The following ANGPTL1 variants were observed in gnomAD, a reference collection of about 807,000 sequenced individuals.
The protein encoded by ANGPTL1 is angiopoietin like 1.
In ANGPTL1, 36 loss-of-function variants were observed where a neutral mutation model predicts 46.7. The ratio of observed to expected loss-of-function variants is 0.77; its 90% CI spans 0.59 to 1.02. The LOEUF (loss-of-function observed/expected upper bound fraction) is 1.02, where lower values mean the gene tolerates loss of function less well. Ranked by LOEUF, ANGPTL1 falls within the 50% of genes least tolerant of loss-of-function variation. ANGPTL1 has a pLI of 0.00. For missense variants in ANGPTL1, 571 were observed against 594.7 expected (o/e 0.96, Z 0.41); for synonymous variants, 221 against 204.3 (o/e 1.08, Z -0.69).
At chr1:178,861,379 C>T (rs187921640) in intron 3 of ANGPTL1, among the ~76,000 whole-genome samples, 1 of 151,348 alleles carries the variant, frequency 6.6e-6, no homozygotes, top group Admixed American at 6.6e-5. Context: ...TTCATTAAAA[C>T]AAAATGTGTT....
chr1:178,870,154 G>A (rs1658660978), intron 1 of ANGPTL1, among the ~76,000 whole-genome samples: 1 of 152,006 alleles, frequency 6.6e-6, no homozygotes. Context: ...ATTTTGAGTT[G>A]GAACAAGAAA....
chr1:178,850,331 A>G lies in ANGPTL1; in HGVS notation c.*798T>C, dbSNP rs1203787485. ...GAACTATAATTCAGATCTGTAGCAC[A>G]CTAAATATTCTGCATTTTTGTAATA... On this transcript the variant is annotated 3_prime_UTR_variant, in exon 6 of 6. Transcript: ENST00000234816. The G allele has an allele frequency of 3.3e-5, 5 of 152,638 alleles. No individual in the cohort carries two copies. Among genetic ancestry groups the G allele is most frequent in the Non-Finnish European group, 7.3e-5 (5 of 68,042 alleles). The allele number at this position is 152,638 out of a possible 1,614,324, so 9.5% of individuals were successfully genotyped here. A position where few individuals can be genotyped will look rare whatever the true frequency, so the allele number is the denominator to read the frequency against.
chr1:178,852,989 A>G (rs201219967), intron 4 of ANGPTL1, 36 bp from the exon 5 acceptor site: 1 of 1,569,816 alleles, frequency 6.4e-7, no homozygotes, highest in African/African-American at 1.4e-5. Flanking sequence ...TGCATAAATA[A>G]GTATAGAGAT....
chr1:178,849,626 T>C lies in ANGPTL1; in HGVS notation c.*1503A>G, dbSNP rs1164729305. 1.3e-5 allele frequency: 2 copies of C among 152,208 alleles called. No individual in the cohort carries two copies. The highest frequency in any genetic ancestry group is 2.9e-5 in the Non-Finnish European group (2 of 68,042). The allele number at this position is 152,208 out of a possible 1,614,324, so 9.4% of individuals were successfully genotyped here. A position where few individuals can be genotyped will look rare whatever the true frequency, so the allele number is the denominator to read the frequency against. ...CTTCCAGGAATCTTATAACAGATTC[T>C]TTGGTTCTGAAGGAAGTGGAGAGGG... On this transcript the variant is annotated 3_prime_UTR_variant, in exon 6 of 6. Coordinates refer to ENST00000234816, the MANE Select transcript of ANGPTL1 (RefSeq NM_004673.4).
intron 3 of ANGPTL1, among the ~76,000 whole-genome samples, chr1:178,854,423 A>G (rs754348868): frequency 1.2e-4 from 19 of 152,182 alleles, no homozygotes; most frequent in Non-Finnish European, 2.6e-4. Context: ...GAAATTCTCA[A>G]TGTACATTCA....
chr1:178,855,979 AAT>A (rs987034636), intron 3 of ANGPTL1, among the ~76,000 whole-genome samples: 3 of 148,424 alleles, frequency 2.0e-5, no homozygotes, highest in South Asian at 2.1e-4. Flanking sequence ...ACAAAAAAGT[AAT>A]ATATATAAGA....
chr1:178,862,593 TTTTATTTA>T lies in ANGPTL1; in HGVS notation c.823+2353_823+2360del, dbSNP rs57690079. Among the ~76,000 whole-genome samples the T allele has an allele frequency of 6.9e-3, 976 of 140,742 alleles. 30 individuals are homozygous for T. The highest frequency in any genetic ancestry group is 0.048 in the Admixed American group (681 of 14,132). The allele number at this position is 140,742 out of a possible 152,430, so 92.3% of individuals were successfully genotyped here. A position where few individuals can be genotyped will look rare whatever the true frequency, so the allele number is the denominator to read the frequency against. On this transcript the variant is annotated intron_variant, in intron 3 of 5. Coordinates refer to ENST00000234816, the MANE Select transcript of ANGPTL1 (RefSeq NM_004673.4). ...GGGCCTCAAGGAGGAGTTGCATTTT[TTTTATTTA>T]TTTATTTATTTATTTATTTATTTAT...
At position 178,851,115 on chromosome 1, in the gene ANGPTL1, G is replaced by C. The variant is rs771436728; in HGVS notation, c.*14C>G. 1.9e-6 allele frequency: 3 copies of C among 1,606,088 alleles called. No individual in the cohort carries two copies. Among genetic ancestry groups the C allele is most frequent in the African/African-American group, 1.3e-5 (1 of 74,644 alleles). The stretch of plus-strand genomic sequence containing the variant: ...ACAAAGTTCTGTGTCATTTAAATTG[G>C]CGAGTGTCTCTCTTCAGTCAATAGG... On this transcript the variant is annotated 3_prime_UTR_variant, in exon 6 of 6. Coordinates refer to ENST00000234816, the MANE Select transcript of ANGPTL1 (RefSeq NM_004673.4).
Position 178,852,936 on chromosome 1 carries a change from A to G in ANGPTL1, c.1035T>C (p.Ile345=). 2 of 1,611,564 alleles carry G rather than the reference A, an allele frequency of 1.2e-6. No homozygotes were observed. Among genetic ancestry groups the G allele is most frequent in the Non-Finnish European group, 1.7e-6 (2 of 1,178,844 alleles). The change falls in exon 5 of 6, where the codon ATT becomes ATC. Residue 345 remains isoleucine (I), a synonymous_variant. Coordinates refer to ENST00000234816, the MANE Select transcript of ANGPTL1 (RefSeq NM_004673.4). ...WENYKKGFGN[I]DGEYWLGLEN... ...CCAGTCCAAGCCAGTATTCTCCGTC[A>G]ATGTTTCCAAACCCTTTCTGTTAAT...
chr1:178,858,264 T>C (rs1657728135), intron 3 of ANGPTL1, among the ~76,000 whole-genome samples: 1 of 152,186 alleles, frequency 6.6e-6, no homozygotes, highest in Non-Finnish European at 1.5e-5. Flanking sequence ...TCATTATTAC[T>C]TGAAAATCTT....
chr1:178,852,556 G>A, intron 5 of ANGPTL1, 127 bp downstream of exon 5: 1 of 923,562 alleles, frequency 1.1e-6, no homozygotes, highest in Non-Finnish European at 1.6e-6. Flanking sequence ...TAGGTTGGTT[G>A]TATTTCCTGC....
At position 178,851,292 on chromosome 1, in the gene ANGPTL1, C is replaced by T. The variant is rs1471396626; in HGVS notation, c.1313G>A (p.Gly438Glu). 1.9e-6 allele frequency: 3 copies of T among 1,609,948 alleles called. No individual in the cohort carries two copies. Among genetic ancestry groups the T allele is most frequent in the East Asian group, 2.2e-5 (1 of 44,836 alleles). ...TGCACAGGCATTGTACCACCAGCCTCCTTTATGAAAGTGGGCGCAGTTTCC... is the reference window on the plus strand; with the variant it reads ...TGCACAGGCATTGTACCACCAGCCTTCTTTATGAAAGTGGGCGCAGTTTCC... ...YAGNCAHFHK[G>E]GWWYNACAHS... Residue 438 changes from glycine to glutamate, a missense_variant, in exon 6 of 6, where the codon GGA (glycine) becomes GAA (glutamate). Transcript: ENST00000234816.
chr1:178,852,857 C>G lies in ANGPTL1; in HGVS notation c.1114G>C (p.Glu372Gln). Residue 372 changes from glutamate to glutamine, a missense_variant, in exon 5 of 6, where the codon GAA becomes CAA. Transcript: ENST00000234816. ...QDNYKLLIEL[E>Q]DWSDKKVYAE... ...TAGACTTTTTTATCACTCCAGTCTT[C>G]TAATTCAATCAATAACTTGTAATTA... The G allele has an allele frequency of 6.2e-7, 1 of 1,613,902 alleles. No homozygotes were observed. Among genetic ancestry groups the G allele is most frequent in the Non-Finnish European group, 8.5e-7 (1 of 1,179,858 alleles).
chr1:178,850,856 T>C lies in ANGPTL1; in HGVS notation c.*273A>G. Reference sequence around the variant, plus strand: ...AATATAGCTAAGATTTGCTTTACATTGTGGCAAATATTTACATTTTAGAAA... The same window carrying C: ...AATATAGCTAAGATTTGCTTTACATCGTGGCAAATATTTACATTTTAGAAA... On this transcript the variant is annotated 3_prime_UTR_variant, in exon 6 of 6. Coordinates refer to ENST00000234816, the MANE Select transcript of ANGPTL1 (RefSeq NM_004673.4). 3.6e-6 allele frequency: 1 copy of C among 277,798 alleles called. No individual in the cohort carries two copies. The highest frequency in any genetic ancestry group is 5.1e-5 in the Admixed American group (1 of 19,682). 17.2% of individuals were successfully genotyped at this position (277,798 alleles called of 1,614,324 possible).
In ANGPTL1 at chr1:178,869,113, C is replaced by G. The variant is rs990053149; in HGVS notation, c.-27+1G>C. 1 of 151,922 alleles carries G rather than the reference C, an allele frequency of 6.6e-6. No individual in the cohort carries two copies. The highest frequency in any genetic ancestry group is 1.5e-5 in the Non-Finnish European group (1 of 67,916). 9.4% of individuals were successfully genotyped at this position (151,922 alleles called of 1,614,324 possible). A position where few individuals can be genotyped will look rare whatever the true frequency, so the allele number is the denominator to read the frequency against. On this transcript the variant is annotated splice_donor_variant, in intron 2 of 5. Transcript: ENST00000234816. LOFTEE classifies it low-confidence loss of function (5UTR_SPLICE). The stretch of plus-strand genomic sequence containing the variant: ...TTATAAATTAGTTATAGAATACTTA[C>G]GTTTAAATTTAAGTCTTTACTTAGT...
intron 3 of ANGPTL1, among the ~76,000 whole-genome samples, chr1:178,858,604 A>G (rs1657747131): frequency 6.6e-6 from 1 of 152,164 alleles, no homozygotes; most frequent in Non-Finnish European, 1.5e-5. Context: ...AATTTGAAGA[A>G]CCAGTCTCTC....
chr1:178,864,946 T>TA lies in ANGPTL1; in HGVS notation c.823+7dup, dbSNP rs1371234649. Reference sequence around the variant, plus strand: ...TACTCCCACTTTTTACAGTAAGAGGTAACTCACCTTCATTGATGAAAGTTA... The same window carrying TA: ...TACTCCCACTTTTTACAGTAAGAGGTAAACTCACCTTCATTGATGAAAGTTA... On this transcript the variant is annotated splice_region_variant and intron_variant, in intron 3 of 5. Transcript: ENST00000234816. 2 of 1,438,798 alleles carry TA rather than the reference T, an allele frequency of 1.4e-6. No homozygotes were observed. The highest frequency in any genetic ancestry group is 9.1e-7 in the Non-Finnish European group (1 of 1,095,342). The allele number at this position is 1,438,798 out of a possible 1,614,324, so 89.1% of individuals were successfully genotyped here. A position where few individuals can be genotyped will look rare whatever the true frequency, so the allele number is the denominator to read the frequency against.
chr1:178,852,883 T>C lies in ANGPTL1; in HGVS notation c.1088A>G (p.Asp363Gly). Residue 363 changes from aspartate to glycine, a missense_variant, in exon 5 of 6, where the codon GAT becomes GGT. Physicochemically the swap from Asp to Gly is moderately conservative, Grantham distance 94 (BLOSUM62 -1). Coordinates refer to ENST00000234816, the MANE Select transcript of ANGPTL1 (RefSeq NM_004673.4). Reference protein sequence around the residue: ...LENIYMLSNQDNYKLLIELED... With the variant: ...LENIYMLSNQGNYKLLIELED... ...TAATTCAATCAATAACTTGTAATTA[T>C]CTTGATTGCTAAGCATATAGATATT... 1 of 1,613,908 alleles carries C rather than the reference T, an allele frequency of 6.2e-7. No homozygotes were observed. Among genetic ancestry groups the C allele is most frequent in the Non-Finnish European group, 8.5e-7 (1 of 1,179,822 alleles).
chr1:178,869,028 C>G (rs1558162245), intron 2 of ANGPTL1, 86 bp downstream of exon 2: 1 of 151,932 alleles, frequency 6.6e-6, no homozygotes, highest in East Asian at 1.9e-4. Context: ...ATCCATAAAT[C>G]TATGTTACCT....
Sources: gnomAD v4.1 joint callset for allele counts (sites outside exome capture counted in the v4.1 genomes callset) on GRCh38, gnomAD v4.1.1 for gene constraint, MANE v1.5 for transcripts, NCBI Gene and HGNC (gene_info 2026-07-23, HGNC 2026-07-21) for gene names.